FGFR1: variants seen among roughly 807,000 people sequenced by gnomAD.
The protein encoded by FGFR1 is fibroblast growth factor receptor 1.
Under a neutral mutation model 93.7 loss-of-function variants are expected in FGFR1, and 18 were observed. The ratio of observed to expected loss-of-function variants is 0.19; its 90% CI spans 0.13 to 0.28. The LOEUF (loss-of-function observed/expected upper bound fraction) is 0.28. FGFR1 is among the 10% of genes least tolerant of loss of function. The pLI, the probability that FGFR1 is intolerant of heterozygous loss-of-function variation, is 1.00. For synonymous variants in FGFR1, 448 were observed against 429.3 expected, an observed-to-expected ratio of 1.04 and a Z score of -0.54; for missense variants, 731 against 1,080.4, an observed-to-expected ratio of 0.68 and a Z score of 4.53.
intron 12 of FGFR1, 85 bp from the exon 13 acceptor site, chr8:38,416,145 C>T: frequency 8.2e-7 from 1 of 1,221,580 alleles, no homozygotes; most frequent in Non-Finnish European, 1.2e-6. Flanking sequence ...CCCCCAGCAG[C>T]ACACCCCGGC....
chr8:38,446,458 A>C (rs974767473), intron 2 of FGFR1, among the ~76,000 whole-genome samples: 4 of 151,230 alleles, frequency 2.6e-5, no homozygotes, highest in Non-Finnish European at 5.9e-5. Context: ...CAATCAGCCC[A>C]CCTTGGCCCC....
At chr8:38,455,920 C>T (rs921483851) in intron 2 of FGFR1, among the ~76,000 whole-genome samples, 8 of 152,314 alleles carry the variant, frequency 5.3e-5, no homozygotes, top group African/African-American at 1.9e-4. Flanking sequence ...CCATAAACTC[C>T]CTGTGGGCAG....
chr8:38,418,482 C>T, intron 9 of FGFR1, 109 bp from the exon 10 acceptor site: 1 of 1,327,444 alleles, frequency 7.5e-7, no homozygotes, highest in East Asian at 2.5e-5. Flanking sequence ...GTCTGTGTAT[C>T]TGATGTTCTT....
At position 38,414,029 on chromosome 8, in the gene FGFR1, G is replaced by A. The variant is rs4647904; in HGVS notation, c.2187-6C>T. 0.019 allele frequency: 30,620 copies of A among 1,613,888 alleles called. 391 individuals carry two copies. Among genetic ancestry groups the A allele is most frequent in the Non-Finnish European group, 0.022 (25,378 of 1,179,872 alleles). On this transcript the variant is annotated splice_polypyrimidine_tract_variant and splice_region_variant and intron_variant, in intron 16 of 17. Transcript: ENST00000447712. Reference sequence around the variant, plus strand: ...AGTCCCGCATCATCATGTACCTGCGGCAGGACTGTAAGGTCAGGGACGTCT... The same window carrying A: ...AGTCCCGCATCATCATGTACCTGCGACAGGACTGTAAGGTCAGGGACGTCT...
In FGFR1 at chr8:38,413,951, G is replaced by A. The variant is rs771439684; in HGVS notation, c.2259C>T (p.Asp753=). Residue 753 remains aspartate, a synonymous_variant, in exon 17 of 18, where the codon GAC becomes GAT. Coordinates refer to ENST00000447712, the MANE Select transcript of FGFR1 (RefSeq NM_023110.3). This position sits in a 1 kb window ranked among gnomAD's most constrained non-coding sequence, Gnocchi z 4.2. ...AGGTCAAGGCCACGATGCGGTCCAG[G>A]TCTTCCACCAGCTGCTTGAAGGTGG... is the stretch of plus-strand genomic sequence containing the variant. ...QRPTFKQLVE[D]LDRIVALTSN... The A allele has an allele frequency of 4.3e-6, 7 of 1,614,070 alleles. No homozygotes were observed. Among genetic ancestry groups the A allele is most frequent in the South Asian group, 3.3e-5 (3 of 91,076 alleles).
rs780153672 is a variant in FGFR1 at position 38,428,352 on chromosome 8, G to C, written c.442C>G (p.Arg148Gly). The C allele has an allele frequency of 6.2e-7, 1 of 1,613,786 alleles. No individual in the cohort carries two copies. ...EKETDNTKPN[R>G]MPVAPYWTSP... is the part of the protein sequence containing the mutation. ...ATAGGAAACAGTGTCTCACGCATAC[G>C]GTTTGGTTTGGTGTTATCTGTTTCT... is the stretch of plus-strand genomic sequence containing the variant. The change falls in exon 4 of 18, where the codon CGT becomes GGT. Residue 148 changes from arginine to glycine, a missense_variant. Arg to Gly is a moderately radical substitution (Grantham distance 125). Coordinates refer to ENST00000447712, the MANE Select transcript of FGFR1 (RefSeq NM_023110.3).
chr8:38,459,935 G>C (rs1483920380), intron 1 of FGFR1, among the ~76,000 whole-genome samples: 1 of 152,146 alleles, frequency 6.6e-6, no homozygotes, highest in Non-Finnish European at 1.5e-5. Flanking sequence ...TACAATCCCG[G>C]GACTTTGGGA....
chr8:38,423,312 G>GTTTTTTTTTTT, intron 7 of FGFR1: 1 of 360,884 alleles, frequency 2.8e-6, no homozygotes, highest in Non-Finnish European at 4.9e-6. Flanking sequence ...TTCCCTTTTA[G>GTTTTTTTTTTT]TTTTTTTTTT....
chr8:38,457,602 A>G (rs2151356988), intron 1 of FGFR1, 68 bp from the exon 2 acceptor site: 1 of 1,483,754 alleles, frequency 6.7e-7, no homozygotes, highest in South Asian at 1.2e-5. Flanking sequence ...GAAAAACAGA[A>G]GGTAAAGTAT....
chr8:38,437,500 T>C (rs1177548273), intron 2 of FGFR1, among the ~76,000 whole-genome samples: 3 of 151,830 alleles, frequency 2.0e-5, no homozygotes, highest in South Asian at 2.1e-4. Flanking sequence ...TCATGAAACA[T>C]AAAGAAAAGT....
rs1586079146 is a variant in FGFR1, at chr8:38,413,365, T to G, written c.*263A>C. ...GGCAGTGCCTGGTGGCAGGGAGGGGTGTTGGTCCAACATCTGGGAGGGGAT... is the reference window on the plus strand; with the variant it reads ...GGCAGTGCCTGGTGGCAGGGAGGGGGGTTGGTCCAACATCTGGGAGGGGAT... On this transcript the variant is annotated 3_prime_UTR_variant, in exon 18 of 18. Transcript: ENST00000447712. The surrounding 1 kb of genome is among the most constrained non-coding windows in gnomAD (Gnocchi z 4.2). 3.8e-6 allele frequency: 2 copies of G among 530,124 alleles called. No homozygotes were observed. The highest frequency in any genetic ancestry group is 3.3e-6 in the Non-Finnish European group (1 of 299,644). The allele number at this position is 530,124 out of a possible 1,614,324, so 32.8% of individuals were successfully genotyped here. A position where few individuals can be genotyped will look rare whatever the true frequency, so the allele number is the denominator to read the frequency against.
intron 6 of FGFR1, 162 bp downstream of exon 6, chr8:38,425,960 T>C (rs936167025): frequency 2.0e-5 from 17 of 868,414 alleles, no homozygotes; most frequent in Non-Finnish European, 3.3e-5. Context: ...ATAAGAAAAG[T>C]GAGGCTCAAA....
At chr8:38,420,027 G>A (rs1174795137) in intron 8 of FGFR1, 3 of 436,292 alleles carry the variant, frequency 6.9e-6, no homozygotes, top group East Asian at 4.3e-5. Flanking sequence ...CAGCTGGACT[G>A]GAGAGGTACA....
chr8:38,448,122 G>T (rs1054532553), intron 2 of FGFR1, among the ~76,000 whole-genome samples: 1 of 152,096 alleles, frequency 6.6e-6, no homozygotes, highest in African/African-American at 2.4e-5. Context: ...GAAAAGTCAG[G>T]TTTACATAAA....
chr8:38,467,588 C>A (rs1427484817), intron 1 of FGFR1: 3 of 235,430 alleles, frequency 1.3e-5, no homozygotes, highest in Non-Finnish European at 2.5e-5. Flanking sequence ...TCCCACCTCG[C>A]CGCCCACTCC....
At chr8:38,419,097 T>C (rs1052517058) in intron 9 of FGFR1, among the ~76,000 whole-genome samples, 2 of 152,254 alleles carry the variant, frequency 1.3e-5, no homozygotes, top group African/African-American at 2.4e-5. Flanking sequence ...CCCAGCCACG[T>C]GGAACTGTGA....
intron 2 of FGFR1, among the ~76,000 whole-genome samples, chr8:38,436,498 C>T (rs367814535): frequency 1.3e-5 from 2 of 152,094 alleles, no homozygotes; most frequent in South Asian, 2.1e-4. Flanking sequence ...GAACATCGTT[C>T]GAGAACTCAG....
At chr8:38,452,200 GACACACACACACACACACACAC>G (rs3051753) in intron 2 of FGFR1, among the ~76,000 whole-genome samples, 32 of 139,186 alleles carry the variant, frequency 2.3e-4, no homozygotes, top group South Asian at 1.2e-3. Flanking sequence ...CAGACACACA[GACACACACACACACACACACAC>G]ACACACACAC....
intron 15 of FGFR1, 133 bp from the exon 16 acceptor site, chr8:38,414,422 G>A: frequency 1.3e-6 from 2 of 1,534,856 alleles, no homozygotes; most frequent in South Asian, 1.2e-5. Context: ...TGGAGCAGAG[G>A]GAATGGCCAC....
Sources: allele counts gnomAD v4.1 joint callset (sites outside exome capture counted in the v4.1 genomes callset), GRCh38; gene constraint gnomAD v4.1.1; non-coding constraint Gnocchi (gnomAD v3.1); transcripts MANE v1.5; gene names NCBI Gene and HGNC (gene_info 2026-07-23, HGNC 2026-07-21).